Variants in GULP1 observed in about 807,000 individuals in gnomAD.
GULP1 encodes PTB domain-containing engulfment adapter protein 1.
In GULP1, 19 loss-of-function variants were observed where a neutral mutation model predicts 40.9. That is an observed-to-expected ratio of 0.46 (90% CI 0.32 to 0.68). The LOEUF is 0.68. GULP1 is among the 30% of genes least tolerant of loss of function. The probability of loss-of-function intolerance (pLI) is 0.03; values close to 1 mark genes in which losing one functional copy is unlikely to be tolerated. For missense variants in GULP1, 312 were observed against 362.2 expected (o/e 0.86, Z 1.12); for synonymous variants, 119 against 117.6 (o/e 1.01, Z -0.08).
At chr2:188,467,415 T>C (rs1398913044) in intron 2 of GULP1, among the ~76,000 whole-genome samples, 1 of 152,214 alleles carries the variant, frequency 6.6e-6, no homozygotes, top group East Asian at 1.9e-4. Context: ...CATAATTTTA[T>C]CAGTTATACC....
At chr2:188,469,748 G>A (rs1188681131) in intron 2 of GULP1, among the ~76,000 whole-genome samples, 1 of 151,992 alleles carries the variant, frequency 6.6e-6, no homozygotes, top group Non-Finnish European at 1.5e-5. Flanking sequence ...CATTTTTTAT[G>A]GTTTTTATCA....
chr2:188,440,034 C>G (rs2057775150), intron 2 of GULP1, among the ~76,000 whole-genome samples: 1 of 152,112 alleles, frequency 6.6e-6, no homozygotes, highest in Admixed American at 6.5e-5. Context: ...AGAGGAGATA[C>G]ATTTTTTGAA....
intron 1 of GULP1, among the ~76,000 whole-genome samples, chr2:188,326,224 A>G (rs2040741865): frequency 6.6e-6 from 1 of 152,106 alleles, no homozygotes; most frequent in Non-Finnish European, 1.5e-5. Context: ...CAGATCTAAT[A>G]TTTCATTATA....
At chr2:188,541,730 T>C (rs1158050818) in intron 7 of GULP1, 1 of 256,604 alleles carries the variant, frequency 3.9e-6, no homozygotes, top group Non-Finnish European at 7.3e-6. Flanking sequence ...TGAAAATAAA[T>C]ATTCTTAACT....
chr2:188,317,688 G>A (rs1426092386), intron 1 of GULP1, among the ~76,000 whole-genome samples: 2 of 151,750 alleles, frequency 1.3e-5, no homozygotes, highest in Non-Finnish European at 2.9e-5. Flanking sequence ...AAGTTGGGGA[G>A]GACATAGATT....
At chr2:188,484,999 A>C (rs2061741617) in intron 4 of GULP1, among the ~76,000 whole-genome samples, 1 of 152,068 alleles carries the variant, frequency 6.6e-6, no homozygotes, top group Admixed American at 6.6e-5. Context: ...TTCCACAGAT[A>C]TTGTTTGTAT....
At chr2:188,502,438 A>C (rs1439391509) in intron 4 of GULP1, among the ~76,000 whole-genome samples, 2 of 151,848 alleles carry the variant, frequency 1.3e-5, no homozygotes, top group African/African-American at 4.8e-5. Context: ...TAAATTATTC[A>C]TTTTCCCTCT....
At chr2:188,529,248 T>G in intron 6 of GULP1, 53 bp downstream of exon 6, 1 of 850,778 alleles carries the variant, frequency 1.2e-6, no homozygotes, top group South Asian at 1.5e-5. Context: ...TGCAATTATA[T>G]TCCTACTTTA....
rs561233859 is a variant in GULP1 at position 188,546,468 on chromosome 2, A to G, written c.399+5150A>G. On this transcript the variant is annotated intron_variant, in intron 7 of 11. Coordinates refer to ENST00000409830, the MANE Select transcript of GULP1 (RefSeq NM_016315.4). The stretch of plus-strand genomic sequence containing the variant: ...GAAACATCATATTCATAAATATTCC[A>G]TACATTAAATAGCGATTCACAAATG... Among the ~76,000 whole-genome samples, 5 of 152,220 alleles carry G rather than the reference A, an allele frequency of 3.3e-5. No homozygotes were observed. In the East Asian group the frequency reaches 5.8e-4, roughly 18 times the overall value.
At chr2:188,429,136 A>G (rs2056565780) in intron 2 of GULP1, among the ~76,000 whole-genome samples, 1 of 152,170 alleles carries the variant, frequency 6.6e-6, no homozygotes, top group Non-Finnish European at 1.5e-5. Flanking sequence ...TTTGACTGTC[A>G]TCCGCTCTCA....
At chr2:188,477,155 T>C (rs1187473340) in intron 2 of GULP1, among the ~76,000 whole-genome samples, 1 of 152,130 alleles carries the variant, frequency 6.6e-6, no homozygotes, top group African/African-American at 2.4e-5. Context: ...TACCAAATAC[T>C]GTGCCAAGTA....
chr2:188,475,394 T>G (rs577663506), intron 2 of GULP1, among the ~76,000 whole-genome samples: 1 of 151,142 alleles, frequency 6.6e-6, no homozygotes, highest in Non-Finnish European at 1.5e-5. Context: ...ATGTGAAGAG[T>G]TTTTTTTTGT....
intron 1 of GULP1, among the ~76,000 whole-genome samples, chr2:188,307,054 A>G (rs910424590): frequency 6.6e-6 from 1 of 152,242 alleles, no homozygotes; most frequent in Non-Finnish European, 1.5e-5. Context: ...ATTTATCAAC[A>G]GAATAAATAC....
intron 11 of GULP1, chr2:188,592,659 C>T (rs537929844): frequency 3.9e-5 from 6 of 152,084 alleles, no homozygotes; most frequent in African/African-American, 1.4e-4. Flanking sequence ...ATTCTTTGAA[C>T]ATTAATAACA....
At chr2:188,417,519 A>G (rs565993592) in intron 2 of GULP1, among the ~76,000 whole-genome samples, 1 of 152,378 alleles carries the variant, frequency 6.6e-6, no homozygotes, top group South Asian at 2.1e-4. Flanking sequence ...ATATCACTAT[A>G]GAATGTCTAG....
chr2:188,424,604 A>G (rs983077036), intron 2 of GULP1, among the ~76,000 whole-genome samples: 1 of 151,994 alleles, frequency 6.6e-6, no homozygotes, highest in Non-Finnish European at 1.5e-5. Flanking sequence ...AATGTCATCA[A>G]TAGCTACCCA....
At chr2:188,359,588 G>A (rs1405107333) in intron 1 of GULP1, among the ~76,000 whole-genome samples, 2 of 152,084 alleles carry the variant, frequency 1.3e-5, no homozygotes, top group Admixed American at 1.3e-4. Flanking sequence ...AGTCTCATGG[G>A]AAAATTTGCC....
At chr2:188,477,179 C>T (rs1348780674) in intron 2 of GULP1, among the ~76,000 whole-genome samples, 2 of 152,098 alleles carry the variant, frequency 1.3e-5, no homozygotes, top group African/African-American at 2.4e-5. Context: ...TCATACCTTT[C>T]CTAATGTGTA....
chr2:188,477,543 T>A (rs1456621062), intron 2 of GULP1, 116 bp from the exon 3 acceptor site: 5 of 562,638 alleles, frequency 8.9e-6, no homozygotes, highest in Non-Finnish European at 1.6e-5. Context: ...TTTTAGAATA[T>A]TGTTTGTAAA....
Sources: allele counts gnomAD v4.1 joint callset (sites outside exome capture counted in the v4.1 genomes callset), GRCh38; gene constraint gnomAD v4.1.1; transcripts MANE v1.5; gene names NCBI Gene and HGNC (gene_info 2026-07-23, HGNC 2026-07-21).